UNC5D: variants seen among roughly 807,000 people sequenced by gnomAD.
The protein encoded by UNC5D is netrin receptor UNC5D.
Under a neutral mutation model 105.4 loss-of-function variants are expected in UNC5D, and 39 were observed. The ratio of observed to expected loss-of-function variants is 0.37; its 90% confidence interval spans 0.29 to 0.48. The LOEUF (loss-of-function observed/expected upper bound fraction) is 0.48, where lower values mean the gene tolerates loss of function less well. Among genes scored for constraint, UNC5D ranks in the 20% least tolerant of loss-of-function variants. The pLI is 0.98. For synonymous variants in UNC5D, 452 were observed against 450.4 expected, an observed-to-expected ratio of 1.00 and a Z score of -0.04; for missense variants, 991 against 1,202.4, an observed-to-expected ratio of 0.82 and a Z score of 2.60.
chr8:35,526,125 C>A (rs1299308015), intron 1 of UNC5D, among the ~76,000 whole-genome samples: 1 of 152,176 alleles, frequency 6.6e-6, no homozygotes, highest in Non-Finnish European at 1.5e-5. Flanking sequence ...TCTATGGTTA[C>A]CAATTGAGAA....
intron 2 of UNC5D, among the ~76,000 whole-genome samples, chr8:35,563,965 C>T (rs1208990593): frequency 6.6e-6 from 1 of 151,994 alleles, no homozygotes; most frequent in Non-Finnish European, 1.5e-5. Context: ...ATCAATCCTC[C>T]TTGATTATGG....
chr8:35,301,618 C>T (rs974821120), intron 1 of UNC5D, among the ~76,000 whole-genome samples: 3 of 152,266 alleles, frequency 2.0e-5, no homozygotes, highest in Admixed American at 6.5e-5. Context: ...TTGGCTGCCT[C>T]TGATTGGCTG....
intron 15 of UNC5D, among the ~76,000 whole-genome samples, chr8:35,768,220 A>T (rs1801857971): frequency 6.6e-6 from 1 of 152,072 alleles, no homozygotes. Context: ...GTTTTTCTGA[A>T]GAGCGGATGG....
chr8:35,317,480 A>G (rs1809394023), intron 1 of UNC5D, among the ~76,000 whole-genome samples: 2 of 152,158 alleles, frequency 1.3e-5, no homozygotes, highest in Admixed American at 1.3e-4. Context: ...CAGCCCCCAA[A>G]TTTAATTATA....
intron 1 of UNC5D, among the ~76,000 whole-genome samples, chr8:35,504,286 C>A (rs1373304199): frequency 6.6e-6 from 1 of 152,126 alleles, no homozygotes; most frequent in Non-Finnish European, 1.5e-5. Flanking sequence ...CTGTTTTGAT[C>A]TTTGTAATTT....
chr8:35,237,179 GTTTTTTT>G (rs3073013), intron 1 of UNC5D, among the ~76,000 whole-genome samples: 10 of 61,808 alleles, frequency 1.6e-4, no homozygotes, highest in Admixed American at 4.8e-4. Flanking sequence ...TTCCTGAAAA[GTTTTTTT>G]TTTTTTTTTT....
At chr8:35,283,537 G>A (rs559484690) in intron 1 of UNC5D, among the ~76,000 whole-genome samples, 24 of 152,144 alleles carry the variant, frequency 1.6e-4, no homozygotes, top group East Asian at 3.9e-4. Flanking sequence ...CAGGGCAGGC[G>A]GATCACGAGA....
At chr8:35,675,231 G>T (rs1034370411) in intron 4 of UNC5D, among the ~76,000 whole-genome samples, 1 of 152,064 alleles carries the variant, frequency 6.6e-6, no homozygotes, top group Non-Finnish European at 1.5e-5. Flanking sequence ...CTAAAGCAAA[G>T]AATAATGGAC....
At chr8:35,694,802 A>G (rs747666826) in intron 7 of UNC5D, among the ~76,000 whole-genome samples, 1 of 151,974 alleles carries the variant, frequency 6.6e-6, no homozygotes, top group Non-Finnish European at 1.5e-5. Flanking sequence ...TGCAGCCTCA[A>G]ACTCCTGGGT....
chr8:35,324,348 G>A (rs1300457910), intron 1 of UNC5D, among the ~76,000 whole-genome samples: 1 of 151,160 alleles, frequency 6.6e-6, no homozygotes, highest in African/African-American at 2.4e-5. Flanking sequence ...TATCATGCAA[G>A]ACATTTGGAG....
rs147702267 is a variant in UNC5D at position 35,402,035 on chromosome 8, G to A, written c.104-147257G>A. Among the ~76,000 whole-genome samples, 8 of 152,294 alleles carry A rather than the reference G, an allele frequency of 5.3e-5. No homozygotes were observed. The East Asian group carries it at 1.2e-3, about 22-fold the overall frequency. Reference sequence around the variant, plus strand: ...CGAACACTCTGATCATTCTGTGCATGATTGTTTTTCTGCTCCGTGTGGATC... The same window carrying A: ...CGAACACTCTGATCATTCTGTGCATAATTGTTTTTCTGCTCCGTGTGGATC... On this transcript the variant is annotated intron_variant, in intron 1 of 16. Transcript: ENST00000404895.
intron 1 of UNC5D, among the ~76,000 whole-genome samples, chr8:35,383,908 G>A (rs996417605): frequency 6.6e-6 from 1 of 151,230 alleles, no homozygotes; most frequent in African/African-American, 2.4e-5. Context: ...ACAAGACCCT[G>A]TCTCTACTGA....
chr8:35,291,302 T>TA (rs1807049109), intron 1 of UNC5D, among the ~76,000 whole-genome samples: 1 of 152,202 alleles, frequency 6.6e-6, no homozygotes, highest in Non-Finnish European at 1.5e-5. Flanking sequence ...ATAATTAACT[T>TA]ACATCAGACA....
chr8:35,528,170 A>G (rs933636703), intron 1 of UNC5D, among the ~76,000 whole-genome samples: 9 of 149,596 alleles, frequency 6.0e-5, no homozygotes, highest in Non-Finnish European at 1.0e-4. Flanking sequence ...AGCATTAGGT[A>G]TATCTCCCAA....
intron 1 of UNC5D, among the ~76,000 whole-genome samples, chr8:35,516,054 T>A (rs1813073127): frequency 6.6e-6 from 1 of 152,112 alleles, no homozygotes; most frequent in Non-Finnish European, 1.5e-5. Context: ...TTCCTATGCT[T>A]TTTTTTATGT....
chr8:35,409,680 C>T (rs1805033363), intron 1 of UNC5D, among the ~76,000 whole-genome samples: 1 of 151,334 alleles, frequency 6.6e-6, no homozygotes, highest in Non-Finnish European at 1.5e-5. Flanking sequence ...ACATTTTTTC[C>T]CAGTCTCTGG....
At chr8:35,513,518 C>T (rs928752865) in intron 1 of UNC5D, among the ~76,000 whole-genome samples, 6 of 150,724 alleles carry the variant, frequency 4.0e-5, no homozygotes, top group African/African-American at 1.5e-4. Context: ...AGTGAGCCAC[C>T]ATGCCCGGCC....
At chr8:35,377,946 C>T (rs558835481) in intron 1 of UNC5D, among the ~76,000 whole-genome samples, 10 of 152,290 alleles carry the variant, frequency 6.6e-5, no homozygotes, top group African/African-American at 2.4e-4. Context: ...ATATTGCAAG[C>T]ATTGCAGTGT....
intron 7 of UNC5D, among the ~76,000 whole-genome samples, chr8:35,695,402 A>G (rs1427724257): frequency 6.6e-6 from 1 of 152,118 alleles, no homozygotes; most frequent in Non-Finnish European, 1.5e-5. Context: ...GCACACCTAT[A>G]TAGTCCCAGC....
Sources: allele counts gnomAD v4.1 joint callset (sites outside exome capture counted in the v4.1 genomes callset), GRCh38; gene constraint gnomAD v4.1.1; transcripts MANE v1.5; gene names NCBI Gene and HGNC (gene_info 2026-07-23, HGNC 2026-07-21).